Variants in ARID2 observed in about 807,000 individuals in gnomAD.
ARID2 encodes the protein AT-rich interactive domain-containing protein 2.
In ARID2, 32 loss-of-function variants were observed where a neutral mutation model predicts 184.6. That is an observed-to-expected ratio of 0.17 (90% confidence interval 0.13 to 0.23). The LOEUF (loss-of-function observed/expected upper bound fraction) is 0.23, where lower values mean the gene tolerates loss of function less well. Among genes scored for constraint, ARID2 ranks in the 10% least tolerant of loss-of-function variants. ARID2 has a pLI of 1.00. For synonymous variants in ARID2, 836 were observed against 772.6 expected (o/e 1.08, Z -1.36); for missense variants, 1,696 against 2,197.6 (o/e 0.77, Z 4.56).
intron 16 of ARID2, among the ~76,000 whole-genome samples, chr12:45,870,936 G>A (rs554881547): frequency 6.6e-6 from 1 of 152,292 alleles, no homozygotes; most frequent in South Asian, 2.1e-4. Flanking sequence ...GTAAGTTTGT[G>A]TGGATGTAGT....
intron 16 of ARID2, among the ~76,000 whole-genome samples, chr12:45,861,210 T>C (rs1943740540): frequency 6.6e-6 from 1 of 152,204 alleles, no homozygotes; most frequent in Non-Finnish European, 1.5e-5. Context: ...AGAAAATCAA[T>C]TAAGAATTTA....
chr12:45,894,029 A>G (rs1944337315), intron 20 of ARID2: 1 of 199,928 alleles, frequency 5.0e-6, no homozygotes, highest in African/African-American at 2.3e-5. Context: ...GGGGAAAACA[A>G]AGGAATTTGA....
chr12:45,897,902 C>T (rs558062039), intron 20 of ARID2, among the ~76,000 whole-genome samples: 36 of 151,784 alleles, frequency 2.4e-4, no homozygotes, highest in African/African-American at 8.5e-4. Flanking sequence ...TGGGTTGCAG[C>T]GGAGCAATCA....
At position 45,850,976 on chromosome 12, in the gene ARID2, A is replaced by G. The variant is rs962804031; in HGVS notation, c.2853A>G (p.Pro951=). The stretch of plus-strand genomic sequence containing the variant: ...TTCACCAAATTGTTCTTGCTAATCC[A>G]GCAGCTCTTCCAGCTGGTCAGACAG... The part of the protein sequence containing the change: ...PAIHQIVLAN[P]AALPAGQTVQ... The change falls in exon 15 of 21, where the codon CCA becomes CCG. Residue 951 remains proline (P), a synonymous_variant. Coordinates refer to ENST00000334344, the MANE Select transcript of ARID2 (RefSeq NM_152641.4). 5.0e-6 allele frequency: 8 copies of G among 1,614,060 alleles called. No individual in the cohort carries two copies. Among genetic ancestry groups the G allele is most frequent in the East Asian group, 4.5e-5 (2 of 44,906 alleles).
intron 3 of ARID2, among the ~76,000 whole-genome samples, chr12:45,782,814 GA>G (rs1360191304): frequency 6.6e-6 from 1 of 151,724 alleles, no homozygotes; most frequent in African/African-American, 2.4e-5. Flanking sequence ...AAAAACTTAA[GA>G]AGTGAAAAAT....
intron 4 of ARID2, among the ~76,000 whole-genome samples, chr12:45,816,766 A>ATTT (rs1391217136): frequency 6.6e-6 from 1 of 152,186 alleles, no homozygotes; most frequent in East Asian, 1.9e-4. Flanking sequence ...TCTCAAGAGC[A>ATTT]TTTTGCTAAA....
chr12:45,775,226 A>G (rs778606169), intron 3 of ARID2, among the ~76,000 whole-genome samples: 3 of 152,218 alleles, frequency 2.0e-5, no homozygotes, highest in Non-Finnish European at 4.4e-5. Context: ...ACGTAAGCTG[A>G]CAACCAGAAT....
chr12:45,740,496 C>G (rs769287369), intron 3 of ARID2, among the ~76,000 whole-genome samples: 4 of 152,114 alleles, frequency 2.6e-5, no homozygotes, highest in African/African-American at 4.8e-5. Context: ...TTTATATACA[C>G]ATACACACAT....
intron 3 of ARID2, among the ~76,000 whole-genome samples, chr12:45,760,028 T>C (rs993625947): frequency 6.6e-6 from 1 of 152,244 alleles, no homozygotes; most frequent in African/African-American, 2.4e-5. Context: ...TTTTACATAC[T>C]TTGACATGCA....
At chr12:45,771,916 A>T (rs1051050418) in intron 3 of ARID2, among the ~76,000 whole-genome samples, 49 of 152,260 alleles carry the variant, frequency 3.2e-4, no homozygotes, top group African/African-American at 1.2e-3. Context: ...TTGTAAAATT[A>T]TGTAAAGTAA....
chr12:45,745,596 A>T (rs2137985350), intron 3 of ARID2, among the ~76,000 whole-genome samples: 1 of 152,294 alleles, frequency 6.6e-6, no homozygotes, highest in South Asian at 2.1e-4. Context: ...CACCCAGGCT[A>T]GAATGCAGTG....
Position 45,811,147 on chromosome 12 carries a change from T to G in ARID2, c.285-271T>G, listed in dbSNP as rs142969237. ...TGGCGTGATCCCTGGAGGCGGAGCT[T>G]GCAGTGAGCTGAGATCGCACCACTG... On this transcript the variant is annotated intron_variant, in intron 3 of 20. Coordinates refer to ENST00000334344, the MANE Select transcript of ARID2 (RefSeq NM_152641.4). Among the ~76,000 whole-genome samples, 921 of 151,352 alleles carry G rather than the reference T, an allele frequency of 6.1e-3. 15 individuals carry two copies. The highest frequency in any genetic ancestry group is 0.021 in the African/African-American group (858 of 41,200).
rs1942536061 is a variant in ARID2 at position 45,803,059 on chromosome 12, G to GT, written c.285-8354dup. Reference sequence around the variant, plus strand: ...TTGTGGCTTTAAGTAGAATTAACATGTTTTTCTGAAAGTCTTTTTTTCTAA... The same window carrying GT: ...TTGTGGCTTTAAGTAGAATTAACATGTTTTTTCTGAAAGTCTTTTTTTCTAA... On this transcript the variant is annotated intron_variant, in intron 3 of 20. Coordinates refer to ENST00000334344, the MANE Select transcript of ARID2 (RefSeq NM_152641.4). Among the ~76,000 whole-genome samples the GT allele has an allele frequency of 2.0e-5, 3 of 151,648 alleles. No individual in the cohort carries two copies. The South Asian group carries it at 6.3e-4, about 32-fold the overall frequency.
At chr12:45,902,480 C>A (rs1053113581) in intron 20 of ARID2, among the ~76,000 whole-genome samples, 1 of 151,286 alleles carries the variant, frequency 6.6e-6, no homozygotes, top group African/African-American at 2.4e-5. Context: ...TTAAAATATT[C>A]ATTGATTGTG....
Position 45,835,949 on chromosome 12 carries a change from TTA to T in ARID2, c.706-639_706-638del, listed in dbSNP as rs563405522. On this transcript the variant is annotated intron_variant, in intron 6 of 20. Transcript: ENST00000334344. Reference sequence around the variant, plus strand: ...AGAAATGTCAAATTTCCAGTAGTGTTTAATGTACATAGAGATGTCATTTTTCC... The same window carrying T: ...AGAAATGTCAAATTTCCAGTAGTGTTATGTACATAGAGATGTCATTTTTCC... Among the ~76,000 whole-genome samples the T allele has an allele frequency of 1.8e-3, 274 of 151,958 alleles. 12 individuals are homozygous for T. The South Asian group carries it at 0.056, about 31-fold the overall frequency.
intron 3 of ARID2, among the ~76,000 whole-genome samples, chr12:45,775,193 T>C (rs1310890283): frequency 2.6e-5 from 4 of 152,250 alleles, no homozygotes; most frequent in African/African-American, 9.6e-5. Context: ...GGTTGAACTA[T>C]ATTTTCATGC....
At chr12:45,759,200 G>T (rs1414099999) in intron 3 of ARID2, among the ~76,000 whole-genome samples, 1 of 152,110 alleles carries the variant, frequency 6.6e-6, no homozygotes, top group Non-Finnish European at 1.5e-5. Flanking sequence ...CTCTGTAAAT[G>T]AGTAACTTAT....
At chr12:45,770,097 A>T (rs1941840556) in intron 3 of ARID2, among the ~76,000 whole-genome samples, 1 of 152,086 alleles carries the variant, frequency 6.6e-6, no homozygotes, top group African/African-American at 2.4e-5. Flanking sequence ...TACTAAAAAT[A>T]CAAAAAGTAG....
intron 16 of ARID2, among the ~76,000 whole-genome samples, 177 bp downstream of exon 16, chr12:45,861,126 T>C (rs1943739281): frequency 6.6e-6 from 1 of 152,226 alleles, no homozygotes; most frequent in South Asian, 2.1e-4. Context: ...GAAATTTATA[T>C]ATAAGTGATG....
Sources: gnomAD v4.1 joint callset for allele counts (sites outside exome capture counted in the v4.1 genomes callset) on GRCh38, gnomAD v4.1.1 for gene constraint, MANE v1.5 for transcripts, NCBI Gene and HGNC (gene_info 2026-07-23, HGNC 2026-07-21) for gene names.